Variants in AXIN1 observed in about 807,000 individuals in gnomAD.
The protein encoded by AXIN1 is axin 1, also known as axin-1.
A neutral mutation model predicts 76.4 loss-of-function variants in AXIN1; 30 were observed. That is an observed-to-expected ratio of 0.39 (90% CI 0.29 to 0.53). The LOEUF is 0.53. Among genes scored for constraint, AXIN1 ranks in the 20% least tolerant of loss-of-function variants. AXIN1 has a pLI of 0.66. For missense variants in AXIN1, 1,140 were observed against 1,198.8 expected, an observed-to-expected ratio of 0.95 and a Z score of 0.72; for synonymous variants, 545 against 501.4, an observed-to-expected ratio of 1.09 and a Z score of -1.16.
At chr16:295,015 G>C (rs912138624) in intron 7 of AXIN1, among the ~76,000 whole-genome samples, 8 of 139,656 alleles carry the variant, frequency 5.7e-5, no homozygotes, top group African/African-American at 2.1e-4. Context: ...AGTGAGCTGA[G>C]ATCAGGCCAC....
At position 288,105 on chromosome 16, in the gene AXIN1, G is replaced by A. The variant is rs1366328271; in HGVS notation, c.*17C>T. ...GCCAAGGGCCTCGCCTGGCACAGCGGCCAGCCCACCAGCCTATCAGTCCAC... is the reference window on the plus strand; with the variant it reads ...GCCAAGGGCCTCGCCTGGCACAGCGACCAGCCCACCAGCCTATCAGTCCAC... On this transcript the variant is annotated 3_prime_UTR_variant, in exon 11 of 11. Coordinates refer to ENST00000262320, the MANE Select transcript of AXIN1 (RefSeq NM_003502.4). 6.2e-6 allele frequency: 10 copies of A among 1,612,878 alleles called. No homozygotes were observed. Among genetic ancestry groups the A allele is most frequent in the Middle Eastern group, 1.6e-4 (1 of 6,084 alleles).
chr16:351,764 C>T (rs931418970), intron 1 of AXIN1, among the ~76,000 whole-genome samples: 5 of 151,802 alleles, frequency 3.3e-5, no homozygotes, highest in Middle Eastern at 3.2e-3. Flanking sequence ...ATATATATAT[C>T]TTATAGATGG....
intron 5 of AXIN1, chr16:298,948 T>C (rs990916557): frequency 4.9e-6 from 2 of 405,598 alleles, no homozygotes; most frequent in African/African-American, 2.2e-5. Flanking sequence ...TTTGTATTTT[T>C]AGTAGAGACA....
chr16:318,900 CGGGGCCTTGGTG>C (rs2053371334), intron 2 of AXIN1, among the ~76,000 whole-genome samples: 1 of 151,806 alleles, frequency 6.6e-6, no homozygotes. Flanking sequence ...AGAATGCAGC[CGGGGCCTTGGTG>C]AGAGTGGCTC....
At chr16:345,437 G>A (rs1309474293) in intron 2 of AXIN1, among the ~76,000 whole-genome samples, 2 of 152,248 alleles carry the variant, frequency 1.3e-5, no homozygotes, top group African/African-American at 2.4e-5. Context: ...TAATCTGGCC[G>A]GATGCGGCGG....
chr16:350,897 C>T (rs1450586882), intron 1 of AXIN1, among the ~76,000 whole-genome samples: 2 of 152,052 alleles, frequency 1.3e-5, no homozygotes, highest in Non-Finnish European at 2.9e-5. Context: ...TTTGGGAGGC[C>T]GAGGTGGGCG....
intron 5 of AXIN1, among the ~76,000 whole-genome samples, chr16:302,338 A>AG: frequency 6.6e-6 from 1 of 152,352 alleles, no homozygotes; most frequent in Middle Eastern, 3.4e-3. Flanking sequence ...TACCCAGATG[A>AG]GGGTCACCCT....
intron 3 of AXIN1, among the ~76,000 whole-genome samples, chr16:313,630 G>T (rs964955708): frequency 3.3e-5 from 5 of 152,240 alleles, no homozygotes; most frequent in Admixed American, 3.3e-4. Context: ...TGGCTGGTGG[G>T]CAGGTGGCGT....
chr16:305,966 G>A (rs1399476170), intron 4 of AXIN1, among the ~76,000 whole-genome samples: 1 of 152,134 alleles, frequency 6.6e-6, no homozygotes, highest in Non-Finnish European at 1.5e-5. Flanking sequence ...GCCTGGCCCT[G>A]TGTAACTTTC....
At chr16:350,700 T>C (rs919174584) in intron 1 of AXIN1, among the ~76,000 whole-genome samples, 1 of 152,238 alleles carries the variant, frequency 6.6e-6, no homozygotes, top group African/African-American at 2.4e-5. Context: ...AAATTCTCAA[T>C]GACCAATGTA....
intron 2 of AXIN1, among the ~76,000 whole-genome samples, chr16:327,646 GC>G (rs1433358661): frequency 1.1e-4 from 17 of 152,202 alleles, no homozygotes; most frequent in African/African-American, 4.1e-4. Flanking sequence ...ACCCACACCT[GC>G]CATCCCGGGA....
Position 324,629 on chromosome 16 carries a change from C to T in AXIN1, c.879-9946G>A, listed in dbSNP as rs1597075690. 5.3e-5 allele frequency among the ~76,000 whole-genome samples: 8 copies of T among 152,378 alleles called. 2 individuals carry two copies. Among genetic ancestry groups the T allele is most frequent in the Admixed American group, 5.2e-4 (8 of 15,312 alleles). On this transcript the variant is annotated intron_variant, in intron 2 of 10. Coordinates refer to ENST00000262320, the MANE Select transcript of AXIN1 (RefSeq NM_003502.4). ...CAAGACCACACGCCGCACGTCAGCA[C>T]ATGACACAGACACACTTACTTGATC...
rs959503243 is a variant in AXIN1, at chr16:324,763, A to AC, written c.879-10081dup. On this transcript the variant is annotated intron_variant, in intron 2 of 10. Transcript: ENST00000262320. ...AGTGCCATCAGCGACCTGCATCCCG[A>AC]CCCCCCGGAACAGCACAGCCAGCAG... Among the ~76,000 whole-genome samples the AC allele has an allele frequency of 1.2e-3, 175 of 151,650 alleles. 1 individual carries two copies. The highest frequency in any genetic ancestry group is 4.0e-3 in the African/African-American group (167 of 41,310).
At chr16:332,383 C>T (rs1030758259) in intron 2 of AXIN1, among the ~76,000 whole-genome samples, 3 of 151,898 alleles carry the variant, frequency 2.0e-5, no homozygotes, top group Admixed American at 1.3e-4. Context: ...GGAGACCATC[C>T]TGGCTAACAC....
chr16:289,817 G>GACCTTCGTGCTCC, intron 9 of AXIN1: 1 of 649,670 alleles, frequency 1.5e-6, no homozygotes, highest in Non-Finnish European at 2.7e-6. Flanking sequence ...CTCACTGGGA[G>GACCTTCGTGCTCC]CACGAAGGTC....
At chr16:309,359 A>G (rs570951200) in intron 4 of AXIN1, among the ~76,000 whole-genome samples, 1 of 152,126 alleles carries the variant, frequency 6.6e-6, no homozygotes, top group African/African-American at 2.4e-5. Flanking sequence ...AAGTCAACCC[A>G]TCAAAATAAG....
chr16:309,257 G>C (rs980327614), intron 4 of AXIN1, among the ~76,000 whole-genome samples: 1 of 151,750 alleles, frequency 6.6e-6, no homozygotes, highest in Non-Finnish European at 1.5e-5. Context: ...GTGAACCCGG[G>C]AGGCAGAGCT....
At chr16:288,397 G>A (rs1197758636) in intron 10 of AXIN1, 149 bp from the exon 11 acceptor site, 42 of 1,186,356 alleles carry the variant, frequency 3.5e-5, no homozygotes, top group Non-Finnish European at 5.0e-5. Context: ...CCCCTCCCAG[G>A]GCAACAGTGA....
At chr16:340,810 C>G (rs454726) in intron 2 of AXIN1, among the ~76,000 whole-genome samples, 1 of 152,352 alleles carries the variant, frequency 6.6e-6, no homozygotes, top group East Asian at 1.9e-4. Context: ...GAGCTCTTTC[C>G]TAGGCTGAGA....
Sources: gnomAD v4.1 joint callset for allele counts (sites outside exome capture counted in the v4.1 genomes callset) on GRCh38, gnomAD v4.1.1 for gene constraint, MANE v1.5 for transcripts, NCBI Gene and HGNC (gene_info 2026-07-23, HGNC 2026-07-21) for gene names.